The following SOX5 variants were observed in gnomAD, a reference collection of about 807,000 sequenced individuals.
SOX5 encodes transcription factor SOX-5.
SOX5 carries 9 observed loss-of-function variants against 92.0 expected under a neutral mutation model. The observed-to-expected ratio is 0.10, with a 90% CI of 0.06 to 0.17. SOX5 has a LOEUF of 0.17. SOX5 is among the 10% of genes least tolerant of loss of function. The pLI is 1.00. For synonymous variants in SOX5, 344 were observed against 336.3 expected (o/e 1.02, Z -0.25); for missense variants, 642 against 944.5 (o/e 0.68, Z 4.20).
intron 2 of SOX5, among the ~76,000 whole-genome samples, chr12:23,858,619 T>A (rs767178160): frequency 1.3e-5 from 2 of 152,044 alleles, no homozygotes; most frequent in Non-Finnish European, 2.9e-5. Flanking sequence ...AGTTCAACCA[T>A]TGTGGTAAGT....
At chr12:23,589,761 T>A (rs564155093) in intron 9 of SOX5, among the ~76,000 whole-genome samples, 1 of 152,130 alleles carries the variant, frequency 6.6e-6, no homozygotes, top group Non-Finnish European at 1.5e-5. Context: ...TTTTCTTAGG[T>A]ACAATCTTAT....
At chr12:24,372,444 C>T (rs1956835303) in intron 1 of SOX5, among the ~76,000 whole-genome samples, 1 of 152,160 alleles carries the variant, frequency 6.6e-6, no homozygotes, top group African/African-American at 2.4e-5. Flanking sequence ...TCATTCATGT[C>T]CCTGCCAAGG....
At chr12:23,781,350 T>C (rs572474540) in intron 3 of SOX5, among the ~76,000 whole-genome samples, 5 of 152,050 alleles carry the variant, frequency 3.3e-5, no homozygotes, top group Admixed American at 2.0e-4. Flanking sequence ...TGTGTTATGA[T>C]ACTGCTAACA....
In SOX5 at chr12:24,454,112, G is replaced by A. The variant is rs538659126; in HGVS notation, c.-250-85473C>T. On this transcript the variant is annotated intron_variant, in intron 1 of 4. Coordinates refer to the SOX5 transcript ENST00000446891. ...TCTTTGTTTCTTCATTCGTTCTCTT[G>A]TTTTATTAATTTCCCACCAAAAATG... Among the ~76,000 whole-genome samples, 1,118 of 152,182 alleles carry A rather than the reference G, an allele frequency of 7.3e-3. 16 individuals carry two copies. The highest frequency in any genetic ancestry group is 0.026 in the African/African-American group (1,087 of 41,526).
rs573636532 is a variant in SOX5 at position 24,556,442 on chromosome 12, C to A, written c.-251+5887G>T. Among the ~76,000 whole-genome samples the A allele has an allele frequency of 1.7e-4, 26 of 152,230 alleles. 1 individual carries two copies. In the South Asian group the frequency reaches 3.3e-3, roughly 19 times the overall value. Reference sequence around the variant, plus strand: ...TTGCACCCAATTTAAATAAACAAACCAACCTACAAGTTTCTCTTTGAAGGA... The same window carrying A: ...TTGCACCCAATTTAAATAAACAAACAAACCTACAAGTTTCTCTTTGAAGGA... On this transcript the variant is annotated intron_variant, in intron 1 of 4. Transcript: ENST00000446891.
chr12:24,118,436 C>A (rs1306952458), intron 4 of SOX5, among the ~76,000 whole-genome samples: 1 of 152,048 alleles, frequency 6.6e-6, no homozygotes, highest in Non-Finnish European at 1.5e-5. Flanking sequence ...ATGCAAAATT[C>A]TTAGGGCCTT....
intron 1 of SOX5, among the ~76,000 whole-genome samples, chr12:24,407,218 G>A (rs771249463): frequency 2.0e-5 from 3 of 152,142 alleles, no homozygotes; most frequent in Non-Finnish European, 2.9e-5. Context: ...GAAGATCCTC[G>A]AAGATAGATC....
intron 4 of SOX5, among the ~76,000 whole-genome samples, chr12:24,029,477 G>A (rs1487556741): frequency 6.6e-6 from 1 of 151,574 alleles, no homozygotes; most frequent in Non-Finnish European, 1.5e-5. Context: ...ACCTCCCTAT[G>A]TTACCCAGGA....
At chr12:23,905,392 G>C (rs1346306042) in intron 1 of SOX5, among the ~76,000 whole-genome samples, 1 of 152,050 alleles carries the variant, frequency 6.6e-6, no homozygotes, top group Non-Finnish European at 1.5e-5. Context: ...TTATTGGCTG[G>C]AGACACCCAG....
chr12:24,485,537 T>G (rs1029570271), intron 1 of SOX5, among the ~76,000 whole-genome samples: 1 of 152,196 alleles, frequency 6.6e-6, no homozygotes. Flanking sequence ...TGGCAACTAC[T>G]CTGTAACTGG....
chr12:23,887,437 T>A (rs539332082), intron 2 of SOX5, among the ~76,000 whole-genome samples: 1 of 152,316 alleles, frequency 6.6e-6, no homozygotes, highest in South Asian at 2.1e-4. Context: ...GCAAAGAAAC[T>A]TTTAATTATT....
At chr12:24,310,242 T>A (rs1260412619) in intron 2 of SOX5, among the ~76,000 whole-genome samples, 1 of 152,170 alleles carries the variant, frequency 6.6e-6, no homozygotes, top group African/African-American at 2.4e-5. Flanking sequence ...AGGTGCAAAA[T>A]CACGGATAAA....
intron 4 of SOX5, among the ~76,000 whole-genome samples, chr12:24,132,055 G>A (rs1053398036): frequency 2.0e-5 from 3 of 152,064 alleles, no homozygotes; most frequent in African/African-American, 2.4e-5. Flanking sequence ...ATTGTGTTAC[G>A]TTCCCATTCC....
chr12:24,392,171 A>G (rs1463059900), intron 1 of SOX5, among the ~76,000 whole-genome samples: 1 of 152,134 alleles, frequency 6.6e-6, no homozygotes, highest in Non-Finnish European at 1.5e-5. Flanking sequence ...GTGCAAGCTT[A>G]AAGTCCCTCT....
intron 3 of SOX5, among the ~76,000 whole-genome samples, chr12:23,784,543 G>T (rs1445733400): frequency 1.3e-5 from 2 of 152,084 alleles, no homozygotes; most frequent in South Asian, 4.1e-4. Flanking sequence ...AGCCAGGATG[G>T]TCTCGATCTC....
At chr12:24,019,277 T>A (rs1380788263) in intron 4 of SOX5, among the ~76,000 whole-genome samples, 1 of 152,176 alleles carries the variant, frequency 6.6e-6, no homozygotes, top group Non-Finnish European at 1.5e-5. Context: ...CCAAATATAA[T>A]GCATTGAAAT....
At chr12:23,830,716 A>G (rs573969536) in intron 3 of SOX5, among the ~76,000 whole-genome samples, 31 of 152,264 alleles carry the variant, frequency 2.0e-4, no homozygotes, top group Non-Finnish European at 4.4e-4. Flanking sequence ...GGGATTTTGA[A>G]CTTAGGAAAG....
At chr12:23,547,915 G>A (rs1943448402) in intron 11 of SOX5, among the ~76,000 whole-genome samples, 1 of 152,070 alleles carries the variant, frequency 6.6e-6, no homozygotes, top group South Asian at 2.1e-4. Flanking sequence ...AGAGTCGGCT[G>A]TATATATTCA....
intron 1 of SOX5, among the ~76,000 whole-genome samples, chr12:24,521,100 G>C (rs1292546312): frequency 6.6e-6 from 1 of 152,144 alleles, no homozygotes; most frequent in Non-Finnish European, 1.5e-5. Context: ...GTCCCCCAAG[G>C]CTGGAGTGCA....
Sources: gnomAD v4.1 joint callset for allele counts (sites outside exome capture counted in the v4.1 genomes callset) on GRCh38, gnomAD v4.1.1 for gene constraint, MANE v1.5 for transcripts, NCBI Gene and HGNC (gene_info 2026-07-23, HGNC 2026-07-21) for gene names.